Variants in ATG4B observed in about 807,000 individuals in gnomAD.
The protein encoded by ATG4B is cysteine protease ATG4B.
ATG4B carries 29 observed loss-of-function variants against 56.6 expected under a neutral mutation model. That is an observed-to-expected ratio of 0.51 (90% CI 0.38 to 0.70). The LOEUF (loss-of-function observed/expected upper bound fraction) is 0.70, where lower values mean the gene tolerates loss of function less well. ATG4B is among the 30% of genes least tolerant of loss of function. The pLI is 0.00. For synonymous variants in ATG4B, 224 were observed against 206.1 expected, an observed-to-expected ratio of 1.09 and a Z score of -0.74; for missense variants, 461 against 515.5, an observed-to-expected ratio of 0.89 and a Z score of 1.02.
In ATG4B at chr2:241,672,575, C is replaced by T; in HGVS notation, c.*311C>T. The T allele has an allele frequency of 1.0e-5, 4 of 399,240 alleles. No homozygotes were observed. The allele number at this position is 399,240 out of a possible 1,614,324, so 24.7% of individuals were successfully genotyped here. The stretch of plus-strand genomic sequence containing the variant: ...CACCTGGGCCTCAGTCCCACTTGCT[C>T]CCAGGCGCCGGTTCTGTGGTTGGTT... On this transcript the variant is annotated 3_prime_UTR_variant, in exon 13 of 13. Coordinates refer to ENST00000404914, the MANE Select transcript of ATG4B (RefSeq NM_013325.5).
At chr2:241,642,854 G>A (rs1389317566) in intron 1 of ATG4B, among the ~76,000 whole-genome samples, 2 of 122,818 alleles carry the variant, frequency 1.6e-5, no homozygotes, top group Non-Finnish European at 3.4e-5. Flanking sequence ...TTCTTAAGGT[G>A]TACAGCACCT....
At chr2:241,641,847 G>C (rs921579467) in intron 1 of ATG4B, among the ~76,000 whole-genome samples, 23 of 152,152 alleles carry the variant, frequency 1.5e-4, no homozygotes, top group Admixed American at 4.6e-4. Flanking sequence ...GGAGGTGGCA[G>C]GCAGACCACA....
chr2:241,661,800 A>G (rs1490569959), intron 7 of ATG4B, among the ~76,000 whole-genome samples: 1 of 151,420 alleles, frequency 6.6e-6, no homozygotes, highest in Non-Finnish European at 1.5e-5. Flanking sequence ...AAGGCCAGCC[A>G]GGACATCCTT....
chr2:241,657,300 T>TCG (rs1553566590), intron 6 of ATG4B, among the ~76,000 whole-genome samples: 1 of 144,148 alleles, frequency 6.9e-6, no homozygotes, highest in African/African-American at 2.6e-5. Context: ...CTTTTTTTTT[T>TCG]TTTTATTTTT....
intron 7 of ATG4B, chr2:241,659,392 C>G: frequency 1.5e-6 from 1 of 657,830 alleles, no homozygotes; most frequent in South Asian, 1.5e-5. Flanking sequence ...GAGGAGAGCC[C>G]AGGCTGTCTG....
chr2:241,669,369 G>A (rs1469119755), intron 10 of ATG4B, among the ~76,000 whole-genome samples: 1 of 152,214 alleles, frequency 6.6e-6, no homozygotes, highest in Non-Finnish European at 1.5e-5. Flanking sequence ...TTAGGAGGAA[G>A]AAGGCAGATC....
In ATG4B at chr2:241,666,679, C is replaced by T. The variant is rs751684690; in HGVS notation, c.573C>T (p.Gly191=). 8.1e-6 allele frequency: 13 copies of T among 1,613,358 alleles called. No individual in the cohort carries two copies. The highest frequency in any genetic ancestry group is 4.5e-5 in the East Asian group (2 of 44,874). Residue 191 remains glycine, a synonymous_variant, in exon 8 of 13, where the codon GGC becomes GGT. Transcript: ENST00000404914. ...RLCRTSVPCA[G]ATAFPADSDR... The stretch of plus-strand genomic sequence containing the variant: ...GCAGGACCAGCGTTCCCTGTGCAGG[C>T]GCCACTGCGTTTCCTGCAGATTCCG...
In ATG4B at chr2:241,659,198, C is replaced by CA. The variant is rs2068512571; in HGVS notation, c.538+12dup. The CA allele has an allele frequency of 1.2e-6, 2 of 1,611,726 alleles. No homozygotes were observed. Among genetic ancestry groups the CA allele is most frequent in the Admixed American group, 3.3e-5 (2 of 59,910 alleles). ...TGATGGAGGAAATCAGTAAGTGGCTCAGAGTTTCCATGGACAAGAAAGTTG... is the reference window on the plus strand; with the variant it reads ...TGATGGAGGAAATCAGTAAGTGGCTCAAGAGTTTCCATGGACAAGAAAGTTG... On this transcript the variant is annotated intron_variant, in intron 7 of 12. Coordinates refer to ENST00000404914, the MANE Select transcript of ATG4B (RefSeq NM_013325.5).
chr2:241,651,575 A>G lies in ATG4B; in HGVS notation c.184+240A>G, dbSNP rs2068232299. Among the ~76,000 whole-genome samples the G allele has an allele frequency of 6.6e-6, 1 of 152,204 alleles. No homozygotes were observed. Among genetic ancestry groups the G allele is most frequent in the South Asian group, 2.1e-4 (1 of 4,836 alleles). On this transcript the variant is annotated intron_variant, in intron 3 of 12. Transcript: ENST00000404914. This position sits in a 1 kb window ranked among gnomAD's most constrained non-coding sequence, Gnocchi z 4.1. ...TCCCAGCTTATTACTGGAGCTGGAAATCAGTATCATGAGTTATGACCAACG... is the reference window on the plus strand; with the variant it reads ...TCCCAGCTTATTACTGGAGCTGGAAGTCAGTATCATGAGTTATGACCAACG...
intron 7 of ATG4B, among the ~76,000 whole-genome samples, chr2:241,662,185 A>C (rs555923956): frequency 6.6e-6 from 1 of 152,336 alleles, no homozygotes; most frequent in African/African-American, 2.4e-5. Flanking sequence ...TATCAGAAGT[A>C]CTTAAACATA....
At chr2:241,667,898 C>T in intron 8 of ATG4B, 1 of 499,382 alleles carries the variant, frequency 2.0e-6, no homozygotes, top group Non-Finnish European at 3.6e-6. Flanking sequence ...TCACTCCCGG[C>T]CTCCCCAAAG....
intron 7 of ATG4B, among the ~76,000 whole-genome samples, chr2:241,662,495 A>G (rs1407961579): frequency 6.6e-6 from 1 of 152,232 alleles, no homozygotes; most frequent in Admixed American, 6.5e-5. Context: ...TGGCAGGAAT[A>G]GGCAAAAGCC....
chr2:241,669,976 G>T (rs1295128088), intron 10 of ATG4B, among the ~76,000 whole-genome samples: 1 of 152,100 alleles, frequency 6.6e-6, no homozygotes, highest in Non-Finnish European at 1.5e-5. Context: ...CGTGAACGTT[G>T]AGTTGAGACC....
chr2:241,655,818 C>G (rs1395277002), intron 6 of ATG4B, among the ~76,000 whole-genome samples: 4 of 152,230 alleles, frequency 2.6e-5, no homozygotes, highest in Non-Finnish European at 4.4e-5. Flanking sequence ...GCACCGCTTC[C>G]TTTCGCACCT....
At chr2:241,643,700 C>G (rs1027832580) in intron 1 of ATG4B, among the ~76,000 whole-genome samples, 2 of 130,848 alleles carry the variant, frequency 1.5e-5, no homozygotes, top group East Asian at 4.4e-4. Context: ...ATTTTCCCCC[C>G]CCCCCGTCGT....
At chr2:241,653,315 C>T (rs1050221427) in intron 3 of ATG4B, 197 bp from the exon 4 acceptor site, 8 of 1,547,694 alleles carry the variant, frequency 5.2e-6, no homozygotes, top group Admixed American at 3.9e-5. Flanking sequence ...AGGAGGTTGT[C>T]GGGACATTTC....
chr2:241,659,529 G>A, intron 7 of ATG4B: 4 of 372,146 alleles, frequency 1.1e-5, no homozygotes, highest in Non-Finnish European at 2.1e-5. Flanking sequence ...GCCTTGATGT[G>A]CGACAGAGAG....
In ATG4B at chr2:241,671,295, C is replaced by A; in HGVS notation, c.1015-17C>A. ...ACTGGGGTGAGGCTGCACCTAACGG[C>A]CATGTCTCACTAACAGCTGTCTCTG... On this transcript the variant is annotated splice_polypyrimidine_tract_variant and intron_variant, in intron 11 of 12. Transcript: ENST00000404914. 1.2e-6 allele frequency: 2 copies of A among 1,606,632 alleles called. No homozygotes were observed. Among genetic ancestry groups the A allele is most frequent in the East Asian group, 4.5e-5 (2 of 44,632 alleles).
intron 11 of ATG4B, among the ~76,000 whole-genome samples, 194 bp downstream of exon 11, chr2:241,670,976 A>G (rs1285962313): frequency 6.6e-6 from 1 of 152,198 alleles, no homozygotes. Context: ...CAACACAGTT[A>G]ACAACCCTGG....
Sources: gnomAD v4.1 joint callset for allele counts (sites outside exome capture counted in the v4.1 genomes callset) on GRCh38, gnomAD v4.1.1 for gene constraint, Gnocchi (gnomAD v3.1) non-coding constraint, MANE v1.5 for transcripts, NCBI Gene and HGNC (gene_info 2026-07-23, HGNC 2026-07-21) for gene names.